CAPN3: variants seen among roughly 807,000 people sequenced by gnomAD.
The protein encoded by CAPN3 is calpain 3, also known as calpain-3.
A neutral mutation model predicts 114.0 loss-of-function variants in CAPN3; 88 were observed. That is an observed-to-expected ratio of 0.77 (90% confidence interval 0.65 to 0.92). CAPN3 has a LOEUF of 0.92. Among genes scored for constraint, CAPN3 ranks in the 40% least tolerant of loss-of-function variants. CAPN3 has a pLI of 0.00. For synonymous variants in CAPN3, 386 were observed against 382.9 expected, an observed-to-expected ratio of 1.01 and a Z score of -0.09; for missense variants, 1,028 against 1,069.0, an observed-to-expected ratio of 0.96 and a Z score of 0.53.
In CAPN3 at chr15:42,412,025, C is replaced by T; in HGVS notation, c.*252C>T. On this transcript the variant is annotated 3_prime_UTR_variant, in exon 24 of 24. Transcript: ENST00000397163. ...TCCCTTTGCCATGTGGAGGAAAGTG[C>T]CTGCCTCTGGTCCGAGCCGCCTCGG... is the stretch of plus-strand genomic sequence containing the variant. 1 of 1,510,064 alleles carries T rather than the reference C, an allele frequency of 6.6e-7. No homozygotes were observed. The highest frequency in any genetic ancestry group is 2.1e-5 in the Admixed American group (1 of 47,814). 93.5% of individuals were successfully genotyped at this position (1,510,064 alleles called of 1,614,324 possible).
chr15:42,381,473 A>T (rs961208672), intron 1 of CAPN3, among the ~76,000 whole-genome samples: 2 of 152,166 alleles, frequency 1.3e-5, no homozygotes, highest in African/African-American at 4.8e-5. Flanking sequence ...ATAGTTGTTC[A>T]TTGCCCGAAC....
In CAPN3 at chr15:42,387,895, C is replaced by T; in HGVS notation, c.632+9C>T. ...GAGAAGGCTTATGCTAAGTAAGCAA[C>T]ACTTTAGAATGTGAGGTGGGGCTAG... On this transcript the variant is annotated intron_variant, in intron 4 of 23. Coordinates refer to ENST00000397163, the MANE Select transcript of CAPN3 (RefSeq NM_000070.3). 6.2e-7 allele frequency: 1 copy of T among 1,614,098 alleles called. No individual in the cohort carries two copies. Among genetic ancestry groups the T allele is most frequent in the Non-Finnish European group, 8.5e-7 (1 of 1,180,006 alleles).
chr15:42,391,800 G>A (rs1487434002), intron 6 of CAPN3, among the ~76,000 whole-genome samples: 1 of 152,134 alleles, frequency 6.6e-6, no homozygotes, highest in Admixed American at 6.6e-5. Context: ...TCTCTCCCTG[G>A]GCACTGGGAC....
intron 15 of CAPN3, among the ~76,000 whole-genome samples, chr15:42,407,340 G>T (rs76407889): frequency 3.3e-5 from 5 of 151,596 alleles, no homozygotes; most frequent in Middle Eastern, 3.4e-3. Flanking sequence ...GATATTTTTG[G>T]TTTTTTTTGA....
intron 1 of CAPN3, among the ~76,000 whole-genome samples, chr15:42,380,316 C>A (rs2053201611): frequency 6.8e-6 from 1 of 146,998 alleles, no homozygotes; most frequent in Non-Finnish European, 1.5e-5. Context: ...TCTGATTTAA[C>A]TGAAAGTTTT....
chr15:42,369,612 G>A (rs1316256560), intron 1 of CAPN3, among the ~76,000 whole-genome samples: 2 of 152,064 alleles, frequency 1.3e-5, no homozygotes, highest in Non-Finnish European at 2.9e-5. Flanking sequence ...TGGACAGTAG[G>A]AGCCCCTGTA....
intron 7 of CAPN3, among the ~76,000 whole-genome samples, chr15:42,393,663 G>T (rs960811040): frequency 6.7e-6 from 1 of 149,904 alleles, no homozygotes; most frequent in East Asian, 2.0e-4. Context: ...GCACAGTCTC[G>T]GCTCACTGCA....
intron 1 of CAPN3, among the ~76,000 whole-genome samples, chr15:42,370,437 C>T (rs1009088811): frequency 1.3e-5 from 2 of 152,158 alleles, no homozygotes; most frequent in African/African-American, 2.4e-5. Flanking sequence ...GCAGGAAGCT[C>T]TCTGCTCCTA....
At chr15:42,373,839 T>G (rs2053018352) in intron 1 of CAPN3, among the ~76,000 whole-genome samples, 4 of 152,182 alleles carry the variant, frequency 2.6e-5, no homozygotes, top group Admixed American at 2.6e-4. Flanking sequence ...AGCAGATTCC[T>G]CCTATGCATT....
rs1424688992 is a variant in CAPN3, at chr15:42,412,017, G to A, written c.*244G>A. The A allele has an allele frequency of 8.6e-6, 13 of 1,509,326 alleles. No individual in the cohort carries two copies. Among genetic ancestry groups the A allele is most frequent in the Non-Finnish European group, 8.8e-7 (1 of 1,132,610 alleles). The allele number at this position is 1,509,326 out of a possible 1,614,324, so 93.5% of individuals were successfully genotyped here. Reference sequence around the variant, plus strand: ...AACCCTTGTCCCTTTGCCATGTGGAGGAAAGTGCCTGCCTCTGGTCCGAGC... The same window carrying A: ...AACCCTTGTCCCTTTGCCATGTGGAAGAAAGTGCCTGCCTCTGGTCCGAGC... On this transcript the variant is annotated 3_prime_UTR_variant, in exon 24 of 24. Coordinates refer to ENST00000397163, the MANE Select transcript of CAPN3 (RefSeq NM_000070.3).
At position 42,380,368 on chromosome 15, in the gene CAPN3, C is replaced by CTTTTTTTTTTTTT. The variant is rs776441239; in HGVS notation, c.310-4098_310-4086dup. On this transcript the variant is annotated intron_variant, in intron 1 of 23. Coordinates refer to ENST00000397163, the MANE Select transcript of CAPN3 (RefSeq NM_000070.3). ...TATCCTTTTACCTCTTCTTTTTTGT[C>CTTTTTTTTTTTTT]TTTTTTTTTTTTTTTTTTTTTTTTT... 1.2e-3 allele frequency among the ~76,000 whole-genome samples: 55 copies of CTTTTTTTTTTTTT among 46,102 alleles called. 5 individuals carry two copies. The highest frequency in any genetic ancestry group is 2.0e-3 in the African/African-American group (18 of 8,814). 30.2% of individuals were successfully genotyped at this position (46,102 alleles called of 152,430 possible). A position where few individuals can be genotyped will look rare whatever the true frequency, so the allele number is the denominator to read the frequency against.
chr15:42,362,085 G>A (rs2052659832), intron 1 of CAPN3, among the ~76,000 whole-genome samples: 1 of 152,210 alleles, frequency 6.6e-6, no homozygotes, highest in Non-Finnish European at 1.5e-5. Context: ...AGTGAGACAG[G>A]ATAGGCCTGC....
chr15:42,377,573 T>A (rs2053122664), intron 1 of CAPN3, among the ~76,000 whole-genome samples: 1 of 152,224 alleles, frequency 6.6e-6, no homozygotes, highest in Non-Finnish European at 1.5e-5. Flanking sequence ...GAGTTGCTCA[T>A]ATTTTGTTGA....
rs753854306 is a variant in CAPN3 at position 42,411,323 on chromosome 15, T to G, written c.2417T>G (p.Ile806Ser). 3.7e-6 allele frequency: 6 copies of G among 1,614,002 alleles called. No individual in the cohort carries two copies. The highest frequency in any genetic ancestry group is 5.1e-6 in the Non-Finnish European group (6 of 1,180,004). ...GCATTTGACAAGGATGGAGATGGTA[T>G]CATCAAGCTCAACGTTCTGGAGGTA... ...FHAFDKDGDG[I>S]IKLNVLEWLQ... The change falls in exon 23 of 24, where the codon ATC (isoleucine) becomes AGC (serine). Residue 806 changes from isoleucine (I) to serine (S), a missense_variant. By Grantham distance (142) the Ile-to-Ser change is moderately radical. Transcript: ENST00000397163.
intron 6 of CAPN3, among the ~76,000 whole-genome samples, chr15:42,390,867 T>C (rs188889818): frequency 2.0e-5 from 3 of 149,520 alleles, no homozygotes; most frequent in Admixed American, 6.7e-5. Context: ...CTCGGCTCAC[T>C]GCAACCTCTG....
intron 2 of CAPN3, among the ~76,000 whole-genome samples, chr15:42,385,002 A>T (rs1488938945): frequency 6.6e-6 from 1 of 152,226 alleles, no homozygotes; most frequent in Admixed American, 6.5e-5. Context: ...GCATAGCTCC[A>T]TCTTAAAAGA....
intron 5 of CAPN3, 34 bp from the exon 6 acceptor site, chr15:42,389,917 CCT>C (rs929547663): frequency 1.2e-5 from 19 of 1,612,616 alleles, no homozygotes; most frequent in Admixed American, 6.7e-5. Context: ...CTCTCCCTCC[CCT>C]GTGTTGTTCC....
intron 15 of CAPN3, among the ~76,000 whole-genome samples, chr15:42,406,602 C>T (rs1407641401): frequency 6.6e-6 from 1 of 152,114 alleles, no homozygotes; most frequent in East Asian, 1.9e-4. Context: ...TGAACTTGCC[C>T]AAGGAACAGA....
At chr15:42,371,654 T>C (rs1158210463) in intron 1 of CAPN3, among the ~76,000 whole-genome samples, 1 of 152,148 alleles carries the variant, frequency 6.6e-6, no homozygotes, top group African/African-American at 2.4e-5. Context: ...GTGACTTGCC[T>C]CTTCACTCTC....
Sources: gnomAD v4.1 joint callset for allele counts (sites outside exome capture counted in the v4.1 genomes callset) on GRCh38, gnomAD v4.1.1 for gene constraint, MANE v1.5 for transcripts, NCBI Gene and HGNC (gene_info 2026-07-23, HGNC 2026-07-21) for gene names.